Variants in RETREG1 observed in about 807,000 individuals in gnomAD.
RETREG1 encodes reticulophagy regulator 1.
RETREG1 carries 44 observed loss-of-function variants against 54.8 expected under a neutral mutation model. The ratio of observed to expected loss-of-function variants is 0.80; its 90% CI spans 0.63 to 1.03. The LOEUF (loss-of-function observed/expected upper bound fraction) is 1.03. RETREG1 is among the 50% of genes least tolerant of loss of function. The probability of loss-of-function intolerance (pLI) is 0.00; values close to 1 mark genes in which losing one functional copy is unlikely to be tolerated. For missense variants in RETREG1, 554 were observed against 605.1 expected (o/e 0.92, Z 0.89); for synonymous variants, 217 against 238.5 (o/e 0.91, Z 0.83).
At chr5:16,578,052 CAT>C (rs1349797171) in intron 1 of RETREG1, among the ~76,000 whole-genome samples, 1 of 152,088 alleles carries the variant, frequency 6.6e-6, no homozygotes, top group Non-Finnish European at 1.5e-5. Context: ...AGAGTTTGAA[CAT>C]ATTTGACGTG....
intron 3 of RETREG1, among the ~76,000 whole-genome samples, chr5:16,551,494 T>C (rs1377834600): frequency 6.6e-6 from 1 of 152,148 alleles, no homozygotes; most frequent in East Asian, 1.9e-4. Context: ...CATCAAACCT[T>C]CTTATTTCTA....
At chr5:16,484,815 G>T (rs1196814079) in intron 3 of RETREG1, among the ~76,000 whole-genome samples, 1 of 152,068 alleles carries the variant, frequency 6.6e-6, no homozygotes, top group Non-Finnish European at 1.5e-5. Flanking sequence ...GAGAGTCACT[G>T]AGCTACCAGT....
intron 3 of RETREG1, among the ~76,000 whole-genome samples, chr5:16,490,709 A>G (rs918289215): frequency 6.6e-6 from 1 of 152,222 alleles, no homozygotes; most frequent in African/African-American, 2.4e-5. Context: ...TGAATCCACA[A>G]TGGAATAGGG....
chr5:16,489,072 G>C (rs1739143808), intron 3 of RETREG1, among the ~76,000 whole-genome samples: 1 of 108,630 alleles, frequency 9.2e-6, no homozygotes, highest in South Asian at 3.5e-4. Context: ...AACAGAGCGA[G>C]ATTCTGTCTC....
rs897384998 is a variant in RETREG1, at chr5:16,593,938, A to T, written c.321-21836T>A. Among the ~76,000 whole-genome samples the T allele has an allele frequency of 3.9e-5, 6 of 152,260 alleles. No individual in the cohort carries two copies. Among genetic ancestry groups the T allele is most frequent in the Non-Finnish European group, 8.8e-5 (6 of 68,042 alleles). Reference sequence around the variant, plus strand: ...AACGAATGTCTGGCCTTCTTTCTAGACACCTGGTAGTTCCAACAAAAAGCC... The same window carrying T: ...AACGAATGTCTGGCCTTCTTTCTAGTCACCTGGTAGTTCCAACAAAAAGCC... On this transcript the variant is annotated intron_variant, in intron 1 of 8. Coordinates refer to ENST00000306320, the MANE Select transcript of RETREG1 (RefSeq NM_001034850.3). The surrounding 1 kb of genome is among the most constrained non-coding windows in gnomAD (Gnocchi z 4.9).
chr5:16,488,378 G>A (rs1001504561), intron 3 of RETREG1, among the ~76,000 whole-genome samples: 2 of 152,210 alleles, frequency 1.3e-5, no homozygotes, highest in African/African-American at 4.8e-5. Context: ...TTCCTGGCCT[G>A]GGAGCAGGGG....
chr5:16,515,291 T>A (rs1350025217), intron 3 of RETREG1, among the ~76,000 whole-genome samples: 1 of 152,150 alleles, frequency 6.6e-6, no homozygotes, highest in Non-Finnish European at 1.5e-5. Flanking sequence ...AAAGAATCCA[T>A]CACCTTTCTG....
intron 3 of RETREG1, among the ~76,000 whole-genome samples, chr5:16,558,017 T>C (rs1215664811): frequency 1.3e-5 from 2 of 150,522 alleles, no homozygotes; most frequent in Admixed American, 6.6e-5. Context: ...TAAAAGTGAG[T>C]TTGAGAAAAA....
intron 1 of RETREG1, among the ~76,000 whole-genome samples, chr5:16,596,376 C>T (rs1742893900): frequency 6.6e-6 from 1 of 152,204 alleles, no homozygotes; most frequent in African/African-American, 2.4e-5. Flanking sequence ...ACATTTCTTT[C>T]CCTGCTACGC....
intron 1 of RETREG1, among the ~76,000 whole-genome samples, chr5:16,595,918 C>T (rs1742885433): frequency 6.6e-6 from 1 of 152,204 alleles, no homozygotes; most frequent in Non-Finnish European, 1.5e-5. Flanking sequence ...AGTTCCCACA[C>T]TGACCTGCAA....
Position 16,575,289 on chromosome 5 carries a change from G to T in RETREG1, c.321-3187C>A, listed in dbSNP as rs569364302. ...AGGGCCCACTAATGAGCTGTAATGC[G>T]CAGCTCGGCTCACATGGCATGAGAC... On this transcript the variant is annotated intron_variant, in intron 1 of 8. Transcript: ENST00000306320. Among the ~76,000 whole-genome samples, 17 of 152,224 alleles carry T rather than the reference G, an allele frequency of 1.1e-4. 1 individual carries two copies. In the South Asian group the frequency reaches 3.5e-3, roughly 32 times the overall value.
At chr5:16,493,409 T>C (rs1202091964) in intron 3 of RETREG1, among the ~76,000 whole-genome samples, 2 of 152,240 alleles carry the variant, frequency 1.3e-5, no homozygotes, top group East Asian at 3.8e-4. Context: ...AAGCACCTAC[T>C]TGAGACCTGC....
chr5:16,500,172 A>G (rs1410512915), intron 3 of RETREG1, among the ~76,000 whole-genome samples: 1 of 152,170 alleles, frequency 6.6e-6, no homozygotes, highest in Non-Finnish European at 1.5e-5. Context: ...ACATATGCAC[A>G]GAGCCTATGG....
chr5:16,485,460 C>T (rs1036629389), intron 3 of RETREG1, among the ~76,000 whole-genome samples: 3 of 152,088 alleles, frequency 2.0e-5, no homozygotes, highest in Non-Finnish European at 2.9e-5. Context: ...TGAACCACTG[C>T]GCGAGGACAA....
intron 1 of RETREG1, among the ~76,000 whole-genome samples, chr5:16,607,891 T>G (rs1424948880): frequency 3.3e-5 from 5 of 151,624 alleles, no homozygotes; most frequent in African/African-American, 4.8e-5. Context: ...TTTTTATTTA[T>G]TTTTTTGAGA....
At chr5:16,501,965 T>A (rs916406240) in intron 3 of RETREG1, among the ~76,000 whole-genome samples, 4 of 150,394 alleles carry the variant, frequency 2.7e-5, no homozygotes, top group Non-Finnish European at 5.9e-5. Context: ...TAAGCTTTTT[T>A]TTTTTTTTTG....
At chr5:16,554,502 T>C (rs1378041095) in intron 3 of RETREG1, among the ~76,000 whole-genome samples, 1 of 152,164 alleles carries the variant, frequency 6.6e-6, no homozygotes, top group Non-Finnish European at 1.5e-5. Flanking sequence ...ATTGAATGTC[T>C]TTTGTTTCCC....
At chr5:16,616,378 T>A (rs1743508975) in intron 1 of RETREG1, 4 of 484,670 alleles carry the variant, frequency 8.3e-6, no homozygotes, top group Non-Finnish European at 1.4e-5. Flanking sequence ...TGGGAACACC[T>A]GTAGGTGCAG....
intron 3 of RETREG1, among the ~76,000 whole-genome samples, chr5:16,536,699 A>T (rs1741083845): frequency 6.6e-6 from 1 of 152,240 alleles, no homozygotes; most frequent in African/African-American, 2.4e-5. Context: ...GAAAAATCAC[A>T]AATTATCATG....
Sources: allele counts gnomAD v4.1 joint callset (sites outside exome capture counted in the v4.1 genomes callset), GRCh38; gene constraint gnomAD v4.1.1; non-coding constraint Gnocchi (gnomAD v3.1); transcripts MANE v1.5; gene names NCBI Gene and HGNC (gene_info 2026-07-23, HGNC 2026-07-21).